Variants in PCDHA3 observed in about 807,000 individuals in gnomAD.
PCDHA3 encodes protocadherin alpha-3.
PCDHA3 carries 41 observed loss-of-function variants against 62.2 expected under a neutral mutation model. The observed-to-expected ratio is 0.66, with a 90% CI of 0.51 to 0.86. The LOEUF (loss-of-function observed/expected upper bound fraction) is 0.86. Ranked by LOEUF, PCDHA3 falls within the 40% of genes least tolerant of loss-of-function variation. The pLI, the probability that PCDHA3 is intolerant of heterozygous loss-of-function variation, is 0.00. For synonymous variants in PCDHA3, 640 were observed against 555.4 expected (o/e 1.15, Z -2.14); for missense variants, 1,304 against 1,241.2 (o/e 1.05, Z -0.76).
chr5:140,950,070 A>G (rs2094446713), intron 1 of PCDHA3, among the ~76,000 whole-genome samples: 1 of 151,890 alleles, frequency 6.6e-6, no homozygotes, highest in Non-Finnish European at 1.5e-5. Flanking sequence ...TTCCTGTGCC[A>G]TTGCTTATGC....
chr5:140,838,040 G>T (rs1775384058), intron 1 of PCDHA3, among the ~76,000 whole-genome samples: 1 of 149,654 alleles, frequency 6.7e-6, no homozygotes, highest in Non-Finnish European at 1.5e-5. Context: ...CTACCTTTCT[G>T]CACTTTTTGG....
chr5:140,861,496 T>C (rs2153222110), intron 1 of PCDHA3: 1 of 486,240 alleles, frequency 2.1e-6, no homozygotes, highest in Non-Finnish European at 4.2e-6. Context: ...AGTTCTCTGA[T>C]AGACCTCGAG....
chr5:140,877,171 G>A (rs2056910663), intron 1 of PCDHA3: 1 of 1,613,742 alleles, frequency 6.2e-7, no homozygotes, highest in Non-Finnish European at 8.5e-7. Context: ...GGCACTGCTG[G>A]CGACTCCGGC....
chr5:140,887,317 C>T lies in PCDHA3; in HGVS notation c.2394+83726C>T, dbSNP rs10066665. ...TTCATCTTGTTAGCCAGGATAGTCT[C>T]GAACTCCTGACCTCGTGATCCACCT... On this transcript the variant is annotated intron_variant, in intron 1 of 3. Transcript: ENST00000522353. Among the ~76,000 whole-genome samples the T allele has an allele frequency of 7.3e-3, 1,116 of 152,162 alleles. 15 individuals carry two copies. The highest frequency in any genetic ancestry group is 0.025 in the African/African-American group (1,043 of 41,520).
intron 1 of PCDHA3, chr5:140,836,819 C>T (rs1774763435): frequency 1.8e-6 from 2 of 1,113,462 alleles, no homozygotes; most frequent in African/African-American, 1.6e-5. Context: ...TTCATAATTT[C>T]TTTTTTAGTT....
intron 1 of PCDHA3, among the ~76,000 whole-genome samples, chr5:140,949,857 G>A (rs1554219193): frequency 6.6e-6 from 1 of 151,520 alleles, no homozygotes; most frequent in East Asian, 1.9e-4. Context: ...CCGCTTATCT[G>A]TTGTCTTTTG....
Position 140,875,195 on chromosome 5 carries a change from G to A in PCDHA3, c.2394+71604G>A, listed in dbSNP as rs1554167540. On this transcript the variant is annotated intron_variant, in intron 1 of 3. Transcript: ENST00000522353. ...AACATTAGAATTAAGAGTGACCCAG[G>A]AAGTGGCTAAACCGAAAAGAACCTC... is the stretch of plus-strand genomic sequence containing the variant. The A allele has an allele frequency of 1.5e-5, 8 of 526,354 alleles. No individual in the cohort carries two copies. The Admixed American group carries it at 1.6e-4, about 10-fold the overall frequency. 32.6% of individuals were successfully genotyped at this position (526,354 alleles called of 1,614,324 possible). A position where few individuals can be genotyped will look rare whatever the true frequency, so the allele number is the denominator to read the frequency against.
At chr5:140,882,333 C>A in intron 1 of PCDHA3, 1 of 1,614,220 alleles carries the variant, frequency 6.2e-7, no homozygotes, top group Non-Finnish European at 8.5e-7. Context: ...CTGATCCTCG[C>A]AGCCTGGGAG....
At chr5:140,830,276 G>T (rs782590903) in intron 1 of PCDHA3, 2 of 1,613,712 alleles carry the variant, frequency 1.2e-6, no homozygotes, top group Non-Finnish European at 1.7e-6. Context: ...GCCACCCACC[G>T]AGGGCGCGTG....
intron 1 of PCDHA3, among the ~76,000 whole-genome samples, chr5:140,908,451 A>T (rs2073980523): frequency 6.6e-6 from 1 of 152,170 alleles, no homozygotes; most frequent in African/African-American, 2.4e-5. Context: ...TTATGGCTAG[A>T]TGGATCAGAA....
intron 1 of PCDHA3, chr5:140,850,329 C>T: frequency 6.3e-7 from 1 of 1,597,650 alleles, no homozygotes; most frequent in Non-Finnish European, 8.6e-7. Context: ...ATACGAGCTG[C>T]AGCCAGAAAC....
chr5:140,870,493 A>T (rs782514435), intron 1 of PCDHA3: 2 of 1,614,214 alleles, frequency 1.2e-6, no homozygotes, highest in South Asian at 2.2e-5. Context: ...CGTGTTCGTG[A>T]AGGAGAACAA....
rs2150218754 is a variant in PCDHA3, at chr5:140,834,459, G to A, written c.2394+30868G>A. On this transcript the variant is annotated intron_variant, in intron 1 of 3. Transcript: ENST00000522353. ...TATTATAATTCTAGCAGCTTGGGAG[G>A]CAGGGAGAGGCCAGCTCCACTACTC... is the stretch of plus-strand genomic sequence containing the variant. 9.3e-6 allele frequency: 15 copies of A among 1,614,052 alleles called. No homozygotes were observed. The highest frequency in any genetic ancestry group is 1.7e-4 in the Middle Eastern group (1 of 6,058).
chr5:140,822,939 A>G (rs2150120550), intron 1 of PCDHA3: 1 of 1,614,182 alleles, frequency 6.2e-7, no homozygotes, highest in Non-Finnish European at 8.5e-7. Flanking sequence ...CCTGCTCCCT[A>G]ATGCCCCACG....
chr5:140,803,832 G>T (rs1554122970), intron 1 of PCDHA3: 3 of 620,980 alleles, frequency 4.8e-6, no homozygotes, highest in Non-Finnish European at 2.7e-6. Context: ...TGCAGTAGTA[G>T]AATTATTTTA....
intron 1 of PCDHA3, chr5:140,849,838 T>A: frequency 6.3e-7 from 1 of 1,598,422 alleles, no homozygotes; most frequent in Non-Finnish European, 8.6e-7. Flanking sequence ...GTGGCCGACG[T>A]GAACGACAAC....
intron 1 of PCDHA3, chr5:140,835,965 C>G (rs1422136448): frequency 1.2e-6 from 2 of 1,613,074 alleles, no homozygotes; most frequent in African/African-American, 1.3e-5. Flanking sequence ...CCACGAGGAG[C>G]TGGAGCTGTT....
intron 1 of PCDHA3, among the ~76,000 whole-genome samples, chr5:140,924,127 A>G (rs2081688492): frequency 6.6e-6 from 1 of 152,252 alleles, no homozygotes; most frequent in African/African-American, 2.4e-5. Flanking sequence ...CTTGCTTAGC[A>G]GCATTAATTT....
rs371671577 is a variant in PCDHA3, at chr5:140,801,735, T to C, written c.538T>C (p.Leu180=). Residue 180 remains leucine, a synonymous_variant, in exon 1 of 4, where the codon TTG becomes CTG. Coordinates refer to ENST00000522353, the MANE Select transcript of PCDHA3 (RefSeq NM_018906.3). ...YSLDSTEYFT[L]DVKRNDEEIK... is the part of the protein sequence containing the mutation. ...TCTTGATTCCACTGAATATTTTACC[T>C]TGGACGTTAAAAGAAATGATGAGGA... 9.3e-6 allele frequency: 15 copies of C among 1,613,984 alleles called. No homozygotes were observed. Among genetic ancestry groups the C allele is most frequent in the African/African-American group, 2.7e-5 (2 of 74,920 alleles).
Sources: gnomAD v4.1 joint callset for allele counts (sites outside exome capture counted in the v4.1 genomes callset) on GRCh38, gnomAD v4.1.1 for gene constraint, MANE v1.5 for transcripts, NCBI Gene and HGNC (gene_info 2026-07-23, HGNC 2026-07-21) for gene names.